The following TSG101 variants were observed in gnomAD, a reference collection of about 807,000 sequenced individuals.
TSG101 encodes the protein tumor susceptibility 101.
Under a neutral mutation model 48.5 loss-of-function variants are expected in TSG101, and 19 were observed. That is an observed-to-expected ratio of 0.39 (90% confidence interval 0.27 to 0.58). The LOEUF is 0.58. Among genes scored for constraint, TSG101 ranks in the 20% least tolerant of loss-of-function variants. The pLI, the probability that TSG101 is intolerant of heterozygous loss-of-function variation, is 0.55. For synonymous variants in TSG101, 174 were observed against 169.4 expected (o/e 1.03, Z -0.21); for missense variants, 365 against 484.4 (o/e 0.75, Z 2.31).
intron 1 of TSG101, among the ~76,000 whole-genome samples, chr11:18,520,034 T>C (rs1850243215): frequency 6.6e-6 from 1 of 152,192 alleles, no homozygotes; most frequent in Admixed American, 6.5e-5. Context: ...TCACCATCCC[T>C]AAAAAGAAAT....
At position 18,502,471 on chromosome 11, in the gene TSG101, T is replaced by C. The variant is rs759022526; in HGVS notation, c.640+15A>G. 7 of 1,606,750 alleles carry C rather than the reference T, an allele frequency of 4.4e-6. No individual in the cohort carries two copies. The highest frequency in any genetic ancestry group is 6.0e-6 in the Non-Finnish European group (7 of 1,175,482). ...TTGCTTATATGGTGAAACACAAGTT[T>C]TCAAGGGTACTTACCAACAGTGGTC... On this transcript the variant is annotated intron_variant, in intron 7 of 9. Transcript: ENST00000251968.
chr11:18,480,447 T>G lies in TSG101; in HGVS notation c.*99A>C. The stretch of plus-strand genomic sequence containing the variant: ...TTATTGATTCAAAATATTTTACACT[T>G]GAATGATAAACTGCAATAACTTATT... On this transcript the variant is annotated 3_prime_UTR_variant, in exon 10 of 10. Transcript: ENST00000251968. The G allele has an allele frequency of 1.1e-6, 1 of 871,556 alleles. No homozygotes were observed. The highest frequency in any genetic ancestry group is 1.7e-6 in the Non-Finnish European group (1 of 571,750). 54.0% of individuals were successfully genotyped at this position (871,556 alleles called of 1,614,324 possible). A position where few individuals can be genotyped will look rare whatever the true frequency, so the allele number is the denominator to read the frequency against.
intron 5 of TSG101, 99 bp from the exon 6 acceptor site, chr11:18,507,022 A>G: frequency 2.3e-6 from 2 of 876,680 alleles, no homozygotes; most frequent in African/African-American, 3.4e-5. Flanking sequence ...ACACAGCAAA[A>G]TTTCACAGTT....
intron 6 of TSG101, among the ~76,000 whole-genome samples, chr11:18,503,666 C>A (rs1356851380): frequency 6.6e-6 from 1 of 152,092 alleles, no homozygotes; most frequent in Non-Finnish European, 1.5e-5. Flanking sequence ...GCCACCGCAC[C>A]CAGCCCTAAC....
intron 7 of TSG101, among the ~76,000 whole-genome samples, chr11:18,486,235 C>T (rs867635557): frequency 9.8e-5 from 15 of 152,344 alleles, no homozygotes; most frequent in African/African-American, 2.6e-4. Flanking sequence ...GACAAGAACT[C>T]GGGAACCAGC....
chr11:18,510,690 G>C (rs949639757), intron 4 of TSG101, among the ~76,000 whole-genome samples: 1 of 152,086 alleles, frequency 6.6e-6, no homozygotes, highest in Non-Finnish European at 1.5e-5. Flanking sequence ...AAAAATTCTA[G>C]GTCTATTCCA....
intron 9 of TSG101, 190 bp downstream of exon 9, chr11:18,481,440 T>C (rs916743410): frequency 1.4e-6 from 2 of 1,384,110 alleles, no homozygotes; most frequent in Admixed American, 6.2e-5. Flanking sequence ...TCTCTTCCCC[T>C]GCTCAGACCA....
intron 8 of TSG101, among the ~76,000 whole-genome samples, 188 bp from the exon 9 acceptor site, chr11:18,482,057 T>TA (rs1849549504): frequency 6.6e-6 from 1 of 152,132 alleles, no homozygotes; most frequent in Admixed American, 6.5e-5. Flanking sequence ...CTGAGTGAAA[T>TA]AGAGTAATGA....
intron 4 of TSG101, among the ~76,000 whole-genome samples, chr11:18,510,454 C>A (rs1199424481): frequency 2.0e-5 from 3 of 152,130 alleles, no homozygotes; most frequent in African/African-American, 7.2e-5. Flanking sequence ...TACGTAGATT[C>A]TAGCTTAGAA....
intron 2 of TSG101, among the ~76,000 whole-genome samples, chr11:18,516,798 G>A (rs1000943249): frequency 2.0e-5 from 3 of 151,602 alleles, no homozygotes; most frequent in Non-Finnish European, 2.9e-5. Context: ...AAAATTAGCT[G>A]GGCGTGGTGG....
intron 6 of TSG101, among the ~76,000 whole-genome samples, 155 bp downstream of exon 6, chr11:18,506,694 AAAATAAAT>A (rs1372822106): frequency 6.6e-6 from 1 of 152,048 alleles, no homozygotes; most frequent in African/African-American, 2.4e-5. Context: ...CATCTCAAAA[AAAATAAAT>A]AAATAAATAA....
chr11:18,514,983 T>A, intron 3 of TSG101, 142 bp from the exon 4 acceptor site: 1 of 762,946 alleles, frequency 1.3e-6, no homozygotes, highest in Non-Finnish European at 1.9e-6. Flanking sequence ...CAGCAGAATT[T>A]ATTTCCTGAG....
At chr11:18,503,769 AACG>A (rs1343122012) in intron 6 of TSG101, among the ~76,000 whole-genome samples, 1 of 152,196 alleles carries the variant, frequency 6.6e-6, no homozygotes, top group African/African-American at 2.4e-5. Flanking sequence ...TTTCCCTTAC[AACG>A]AAGAAGAAAA....
intron 7 of TSG101, among the ~76,000 whole-genome samples, chr11:18,500,655 T>C (rs7127716): frequency 0.03 from 4,574 of 152,282 alleles, 216 homozygotes; most frequent in African/African-American, 0.1. Context: ...ATTCATGTTC[T>C]TTGCCCACTT....
chr11:18,494,422 T>C lies in TSG101; in HGVS notation c.640+8064A>G, dbSNP rs187672095. On this transcript the variant is annotated intron_variant, in intron 7 of 9. Transcript: ENST00000251968. ...ATAGGAATAACGACAGGAAGCCAAA[T>C]GAATCAGCTTCTCCTACCTTTCCTT... 1.4e-3 allele frequency among the ~76,000 whole-genome samples: 213 copies of C among 152,350 alleles called. 1 individual carries two copies. Among genetic ancestry groups the C allele is most frequent in the African/African-American group, 4.7e-3 (194 of 41,588 alleles).
At chr11:18,508,840 T>C (rs911310533) in intron 5 of TSG101, 16 of 43,118 alleles carry the variant, frequency 3.7e-4, no homozygotes, top group African/African-American at 1.3e-3. Flanking sequence ...TTAAAGAAAA[T>C]TTACCAAAAA....
chr11:18,493,574 T>C (rs1293347099), intron 7 of TSG101, among the ~76,000 whole-genome samples: 1 of 152,212 alleles, frequency 6.6e-6, no homozygotes, highest in African/African-American at 2.4e-5. Context: ...TGGATGTTAC[T>C]TGCTCAGGCC....
At chr11:18,524,911 C>CTTTT (rs35642875) in intron 1 of TSG101, among the ~76,000 whole-genome samples, 1 of 137,136 alleles carries the variant, frequency 7.3e-6, no homozygotes, top group East Asian at 2.1e-4. Context: ...AGGAATAAAT[C>CTTTT]TTTTTTTTTT....
chr11:18,499,148 C>T (rs1038096878), intron 7 of TSG101, among the ~76,000 whole-genome samples: 2 of 145,028 alleles, frequency 1.4e-5, no homozygotes, highest in African/African-American at 5.1e-5. Flanking sequence ...TGAAGACATC[C>T]AATAGTGGTG....
Sources: gnomAD v4.1 joint callset for allele counts (sites outside exome capture counted in the v4.1 genomes callset) on GRCh38, gnomAD v4.1.1 for gene constraint, MANE v1.5 for transcripts, NCBI Gene and HGNC (gene_info 2026-07-23, HGNC 2026-07-21) for gene names.